TP53I13: variants seen among roughly 807,000 people sequenced by gnomAD.
The protein encoded by TP53I13 is tumor protein p53 inducible protein 13.
TP53I13 carries 27 observed loss-of-function variants against 39.1 expected under a neutral mutation model. The ratio of observed to expected loss-of-function variants is 0.69; its 90% CI spans 0.51 to 0.95. TP53I13 has a LOEUF of 0.95. Ranked by LOEUF, TP53I13 falls within the 40% of genes least tolerant of loss-of-function variation. The pLI, the probability that TP53I13 is intolerant of heterozygous loss-of-function variation, is 0.00. For missense variants in TP53I13, 544 were observed against 520.4 expected (o/e 1.05, Z -0.44); for synonymous variants, 230 against 224.6 (o/e 1.02, Z -0.22).
At chr17:29,566,426 C>T (rs1310531275), upstream of TP53I13, 2 of 1,612,050 alleles carry the variant, frequency 1.2e-6, no homozygotes, top group Non-Finnish European at 8.5e-7. Flanking sequence ...CGCTCCAGGG[C>T]GAGCAAGCAA....
chr17:29,578,956 A>ATAT, the TP53I13 span: 1 of 1,613,784 alleles, frequency 6.2e-7, no homozygotes, highest in Non-Finnish European at 8.5e-7. Flanking sequence ...GGCAGGCACC[A>ATAT]TATACCTCTG....
Position 29,568,721 on chromosome 17 carries a change from A to AGCGGCTGG in TP53I13, c.-32_-25dup, listed in dbSNP as rs774859275. The AGCGGCTGG allele has an allele frequency of 1.1e-4, 156 of 1,374,262 alleles. No homozygotes were observed. The highest frequency in any genetic ancestry group is 1.4e-4 in the Non-Finnish European group (154 of 1,064,974). The allele number at this position is 1,374,262 out of a possible 1,614,324, so 85.1% of individuals were successfully genotyped here. A position where few individuals can be genotyped will look rare whatever the true frequency, so the allele number is the denominator to read the frequency against. On this transcript the variant is annotated 5_prime_UTR_variant, in exon 1 of 7. Transcript: ENST00000301057. This position sits in a 1 kb window ranked among gnomAD's most constrained non-coding sequence, Gnocchi z 4.5. The stretch of plus-strand genomic sequence containing the variant: ...GGCGCGCGCGCTCCCTCGCTGGCGG[A>AGCGGCTGG]GCGGCTGGGCGGCGGGCCGGGCCCG...
At chr17:29,581,078 C>T in the TP53I13 span, 1 of 540,826 alleles carries the variant, frequency 1.8e-6, no homozygotes, top group Non-Finnish European at 3.3e-6. This position sits in a 1 kb window ranked among gnomAD's most constrained non-coding sequence, Gnocchi z 4.8. Flanking sequence ...CGCGCCCGGC[C>T]CACAGGTAGC....
In TP53I13 at chr17:29,568,946, G is replaced by A. The variant is rs1342572805; in HGVS notation, c.73-72G>A. On this transcript the variant is annotated intron_variant, in intron 1 of 6. Coordinates refer to ENST00000301057, the MANE Select transcript of TP53I13 (RefSeq NM_138349.4). The surrounding 1 kb of genome is among the most constrained non-coding windows in gnomAD (Gnocchi z 4.5). ...GGACGCGGAGTTCTTCCGCTGGCGG[G>A]CTGGGCCTGGGGAGAGAGAGGGCAG... 2.5e-6 allele frequency: 4 copies of A among 1,593,144 alleles called. No homozygotes were observed. The highest frequency in any genetic ancestry group is 2.7e-5 in the African/African-American group (2 of 74,626).
downstream of TP53I13, chr17:29,574,539 C>T (rs553504640): frequency 2.9e-6 from 2 of 692,794 alleles, no homozygotes; most frequent in African/African-American, 3.5e-5. Flanking sequence ...TCCTTAGGGG[C>T]TCGACAGGGG....
At chr17:29,581,731 G>A in the TP53I13 span, 2 of 1,604,776 alleles carry the variant, frequency 1.2e-6, no homozygotes, top group Admixed American at 3.3e-5. The surrounding 1 kb of genome is among the most constrained non-coding windows in gnomAD (Gnocchi z 4.8). Flanking sequence ...CGCCCCCCAA[G>A]CTCTGCTCAC....
rs1428765542 is a variant in TP53I13, at chr17:29,572,925, C to T, written c.*1C>T. The T allele has an allele frequency of 2.7e-6, 4 of 1,474,320 alleles. No homozygotes were observed. The highest frequency in any genetic ancestry group is 1.3e-5 in the South Asian group (1 of 76,768). 91.3% of individuals were successfully genotyped at this position (1,474,320 alleles called of 1,614,324 possible). A position where few individuals can be genotyped will look rare whatever the true frequency, so the allele number is the denominator to read the frequency against. On this transcript the variant is annotated 3_prime_UTR_variant, in exon 7 of 7. Coordinates refer to ENST00000301057, the MANE Select transcript of TP53I13 (RefSeq NM_138349.4). ...CCCGGAAGGCGAGAGCTCGGAGTGA[C>T]GGCCTGGGACCTGCCACTGTGGCGT... is the stretch of plus-strand genomic sequence containing the variant.
At chr17:29,574,719 G>T, downstream of TP53I13, 5 of 1,613,060 alleles carry the variant, frequency 3.1e-6, no homozygotes, top group Non-Finnish European at 4.2e-6. Context: ...TTCTTCTCTC[G>T]GGTGGTGATG....
At position 29,568,935 on chromosome 17, in the gene TP53I13, T is replaced by C; in HGVS notation, c.73-83T>C. The C allele has an allele frequency of 6.3e-7, 1 of 1,596,036 alleles. No homozygotes were observed. Among genetic ancestry groups the C allele is most frequent in the Non-Finnish European group, 8.5e-7 (1 of 1,173,530 alleles). ...CGCGCCGAGGGGGACGCGGAGTTCT[T>C]CCGCTGGCGGGCTGGGCCTGGGGAG... On this transcript the variant is annotated intron_variant, in intron 1 of 6. Coordinates refer to ENST00000301057, the MANE Select transcript of TP53I13 (RefSeq NM_138349.4). This position sits in a 1 kb window ranked among gnomAD's most constrained non-coding sequence, Gnocchi z 4.5.
Position 29,572,008 on chromosome 17 carries a change from C to G in TP53I13, c.464C>G (p.Ser155Cys). ...YCESLSGPAP[S>C]EPTPGRGRLC... ...GAAAGCCTTTCAGGGCCTGCTCCCT[C>G]CGAGCCAACTCCCGGTAGAGGGAGG... The change falls in exon 5 of 7, where the codon TCC becomes TGC. Residue 155 changes from serine to cysteine, a missense_variant. Coordinates refer to ENST00000301057, the MANE Select transcript of TP53I13 (RefSeq NM_138349.4). The G allele has an allele frequency of 6.2e-7, 1 of 1,613,188 alleles. No homozygotes were observed. The highest frequency in any genetic ancestry group is 8.5e-7 in the Non-Finnish European group (1 of 1,180,024).
upstream of TP53I13, chr17:29,567,985 G>A (rs1762507034): frequency 6.6e-6 from 1 of 152,036 alleles, no homozygotes; most frequent in African/African-American, 2.4e-5. The surrounding 1 kb of genome is among the most constrained non-coding windows in gnomAD (Gnocchi z 6.6). Context: ...CTGGGGGTGA[G>A]GCCTGTGGCG....
At chr17:29,577,399 A>G (rs2033247889), downstream of TP53I13, 1 of 700,790 alleles carries the variant, frequency 1.4e-6, no homozygotes, top group Non-Finnish European at 2.5e-6. Flanking sequence ...TCAGCAGCCA[A>G]GGCCACCCGT....
At chr17:29,580,761 C>G in the TP53I13 span, among the ~76,000 whole-genome samples, 1 of 151,634 alleles carries the variant, frequency 6.6e-6, no homozygotes, top group African/African-American at 2.4e-5. Flanking sequence ...CCGGAGGTAG[C>G]TTCTGTTTCT....
At chr17:29,573,158 C>T (rs2033035467), downstream of TP53I13, 3 of 401,256 alleles carry the variant, frequency 7.5e-6, no homozygotes, top group African/African-American at 2.1e-5. Context: ...TTTTAGTAGA[C>T]TCTGGAGTTG....
chr17:29,578,879 G>A, the TP53I13 span: 1 of 1,563,906 alleles, frequency 6.4e-7, no homozygotes, highest in Non-Finnish European at 8.8e-7. Flanking sequence ...ATCCCGGGGA[G>A]ATGGCACCCC....
At chr17:29,575,666 T>G (rs1028315192), downstream of TP53I13, 7 of 1,612,752 alleles carry the variant, frequency 4.3e-6, no homozygotes, top group Non-Finnish European at 5.9e-6. The surrounding 1 kb of genome is among the most constrained non-coding windows in gnomAD (Gnocchi z 5.5). Context: ...GTTCTCATAG[T>G]CACTGTCGGC....
At chr17:29,576,547 T>C (rs1262988549), downstream of TP53I13, 8 of 1,613,824 alleles carry the variant, frequency 5.0e-6, no homozygotes, top group African/African-American at 1.3e-5. Context: ...CCGGAGCTCG[T>C]CGCTCAGGCT....
In TP53I13 at chr17:29,569,709, G is replaced by GTGGGCCCCAGCTTTCTGT; in HGVS notation, c.183+351_183+368dup. ...AGACAGCGGGAAGTCTCCTGACTTT[G>GTGGGCCCCAGCTTTCTGT]TGGGCCCCAGCTTTCTGTAGGAGAG... On this transcript the variant is annotated intron_variant, in intron 3 of 6. Transcript: ENST00000301057. The GTGGGCCCCAGCTTTCTGT allele has an allele frequency of 4.2e-5, 11 of 262,392 alleles. 1 individual carries two copies. In the South Asian group the frequency reaches 6.7e-4, roughly 16 times the overall value. 16.3% of individuals were successfully genotyped at this position (262,392 alleles called of 1,614,324 possible).
chr17:29,581,187 C>A, the TP53I13 span: 25 of 672,496 alleles, frequency 3.7e-5, no homozygotes, highest in African/African-American at 1.8e-4. The surrounding 1 kb of genome is among the most constrained non-coding windows in gnomAD (Gnocchi z 4.8). Flanking sequence ...TGGGGCCCAG[C>A]ATTAGGGACT....
Sources: gnomAD v4.1 joint callset for allele counts (sites outside exome capture counted in the v4.1 genomes callset) on GRCh38, gnomAD v4.1.1 for gene constraint, Gnocchi (gnomAD v3.1) non-coding constraint, MANE v1.5 for transcripts, NCBI Gene and HGNC (gene_info 2026-07-23, HGNC 2026-07-21) for gene names.